Variants in NTN1 observed in about 807,000 individuals in gnomAD.
The protein encoded by NTN1 is netrin-1.
A neutral mutation model predicts 54.2 loss-of-function variants in NTN1; 11 were observed. The observed-to-expected ratio is 0.20, with a 90% CI of 0.13 to 0.34. The LOEUF is 0.34. Ranked by LOEUF, NTN1 falls within the 10% of genes least tolerant of loss-of-function variation. NTN1 has a pLI of 1.00. For synonymous variants in NTN1, 371 were observed against 382.0 expected (o/e 0.97, Z 0.33); for missense variants, 740 against 893.1 (o/e 0.83, Z 2.18).
At position 9,105,660 on chromosome 17, in the gene NTN1, T is replaced by TTCTC. The variant is rs72039051; in HGVS notation, c.1019-57135_1019-57132dup. ...TGAGATCTGTTCTGTCTCTCTCTCTTTCTCTCTCTCTCTCTCTCTCTGTCT... is the reference window on the plus strand; with the variant it reads ...TGAGATCTGTTCTGTCTCTCTCTCTTTCTCTCTCTCTCTCTCTCTCTCTCTGTCT... On this transcript the variant is annotated intron_variant, in intron 2 of 6. Coordinates refer to ENST00000173229, the MANE Select transcript of NTN1 (RefSeq NM_004822.3). Among the ~76,000 whole-genome samples, 415 of 142,096 alleles carry TTCTC rather than the reference T, an allele frequency of 2.9e-3. 1 individual carries two copies. The highest frequency in any genetic ancestry group is 9.1e-3 in the African/African-American group (366 of 40,142). 93.2% of individuals were successfully genotyped at this position (142,096 alleles called of 152,430 possible). A position where few individuals can be genotyped will look rare whatever the true frequency, so the allele number is the denominator to read the frequency against.
intron 2 of NTN1, among the ~76,000 whole-genome samples, chr17:9,115,723 C>A (rs1438947626): frequency 1.3e-5 from 2 of 152,358 alleles, no homozygotes; most frequent in South Asian, 2.1e-4. Flanking sequence ...GGGCCGCAGC[C>A]CCCAGAGACA....
chr17:9,154,437 A>G (rs955585073), intron 2 of NTN1, among the ~76,000 whole-genome samples: 1 of 152,210 alleles, frequency 6.6e-6, no homozygotes, highest in African/African-American at 2.4e-5. Flanking sequence ...ATGTATATGT[A>G]TGATCGTTTC....
chr17:9,210,136 C>T (rs960366805), intron 5 of NTN1, among the ~76,000 whole-genome samples: 2 of 152,094 alleles, frequency 1.3e-5, no homozygotes, highest in African/African-American at 2.4e-5. Context: ...TCCTTCCGTC[C>T]GTGCAAGGAA....
chr17:9,192,501 T>C (rs1455313613), intron 5 of NTN1, among the ~76,000 whole-genome samples: 2 of 152,160 alleles, frequency 1.3e-5, no homozygotes, highest in Admixed American at 6.5e-5. Context: ...GGGGCTATTG[T>C]ATGTCTGGAG....
rs2302197 is a variant in NTN1 at position 9,182,976 on chromosome 17, G to T, written c.1411+7G>T. 9.9e-6 allele frequency: 16 copies of T among 1,613,258 alleles called. No homozygotes were observed. Among genetic ancestry groups the T allele is most frequent in the East Asian group, 2.2e-5 (1 of 44,856 alleles). On this transcript the variant is annotated splice_region_variant and intron_variant, in intron 5 of 6. Transcript: ENST00000173229. ...AGCGTGGAGGAGCCTGAAGGTAAACGGCCCCCTTCGCTTCTCATTTCCCGC... is the reference window on the plus strand; with the variant it reads ...AGCGTGGAGGAGCCTGAAGGTAAACTGCCCCCTTCGCTTCTCATTTCCCGC...
At position 9,162,795 on chromosome 17, in the gene NTN1, C is replaced by T. The variant is rs1020833498; in HGVS notation, c.1019-18C>T. 6.3e-7 allele frequency: 1 copy of T among 1,593,866 alleles called. No homozygotes were observed. Among genetic ancestry groups the T allele is most frequent in the Non-Finnish European group, 8.6e-7 (1 of 1,164,478 alleles). ...CCGCGCCCCTGCGGCTGACACCTCT[C>T]TCTGTCTCCCCCTGCAGCCTGTAAC... is the stretch of plus-strand genomic sequence containing the variant. On this transcript the variant is annotated intron_variant, in intron 2 of 6. Coordinates refer to ENST00000173229, the MANE Select transcript of NTN1 (RefSeq NM_004822.3).
intron 3 of NTN1, among the ~76,000 whole-genome samples, chr17:9,166,985 T>C (rs1487435406): frequency 1.3e-5 from 2 of 152,156 alleles, no homozygotes; most frequent in African/African-American, 4.8e-5. Context: ...TTGGGAAGTT[T>C]CGTAGCAACA....
intron 2 of NTN1, among the ~76,000 whole-genome samples, chr17:9,072,800 A>G (rs1421406947): frequency 6.6e-6 from 1 of 152,262 alleles, no homozygotes; most frequent in East Asian, 1.9e-4. Flanking sequence ...CCTTGTTTCC[A>G]GAAACCTTGG....
rs1904967887 is a variant in NTN1, at chr17:9,206,341, G to A, written c.1412-14827G>A. Reference sequence around the variant, plus strand: ...GTTCAGCAAAAAGAAAGAGCCTGCTGGGGACTCATTTGCACCCTCTTGTTC... The same window carrying A: ...GTTCAGCAAAAAGAAAGAGCCTGCTAGGGACTCATTTGCACCCTCTTGTTC... On this transcript the variant is annotated intron_variant, in intron 5 of 6. Coordinates refer to ENST00000173229, the MANE Select transcript of NTN1 (RefSeq NM_004822.3). Among the ~76,000 whole-genome samples, 4 of 152,320 alleles carry A rather than the reference G, an allele frequency of 2.6e-5. No individual in the cohort carries two copies. The South Asian group carries it at 8.3e-4, about 32-fold the overall frequency.
rs1906283462 is a variant in NTN1, at chr17:9,243,258, TGGGGTCACAACCCAGGGAGGG to T, written c.*3291_*3311del. ...CCTCTATGTGGGAGGGAGGGACACCTGGGGTCACAACCCAGGGAGGGAGGGTCACAGCCCAGGGAGGCTGGG... is the reference window on the plus strand; with the variant it reads ...CCTCTATGTGGGAGGGAGGGACACCTAGGGTCACAGCCCAGGGAGGCTGGG... On this transcript the variant is annotated 3_prime_UTR_variant, in exon 7 of 7. Coordinates refer to ENST00000173229, the MANE Select transcript of NTN1 (RefSeq NM_004822.3). 6.6e-6 allele frequency: 1 copy of T among 151,858 alleles called. No homozygotes were observed. 9.4% of individuals were successfully genotyped at this position (151,858 alleles called of 1,614,324 possible). A position where few individuals can be genotyped will look rare whatever the true frequency, so the allele number is the denominator to read the frequency against.
At chr17:9,185,030 A>G (rs1474818797) in intron 5 of NTN1, among the ~76,000 whole-genome samples, 1 of 152,268 alleles carries the variant, frequency 6.6e-6, no homozygotes, top group African/African-American at 2.4e-5. Flanking sequence ...CGAAGCGAGC[A>G]GTAAATAAAC....
intron 2 of NTN1, among the ~76,000 whole-genome samples, chr17:9,049,982 C>A (rs930225553): frequency 1.3e-5 from 2 of 152,212 alleles, no homozygotes; most frequent in Non-Finnish European, 2.9e-5. Flanking sequence ...CGCAGTGGCT[C>A]ACGCCTGTAA....
At chr17:9,010,473 G>A in the NTN1 span, among the ~76,000 whole-genome samples, 2 of 152,176 alleles carry the variant, frequency 1.3e-5, no homozygotes, top group Non-Finnish European at 2.9e-5. Flanking sequence ...GTCACTTCCC[G>A]TAAGAAGAAA....
chr17:9,072,849 G>A (rs1385878094), intron 2 of NTN1, among the ~76,000 whole-genome samples: 4 of 152,214 alleles, frequency 2.6e-5, no homozygotes, highest in Admixed American at 6.5e-5. Flanking sequence ...TCTCCTAGTC[G>A]GGGAACCAGC....
At chr17:9,108,682 C>T (rs1331612443) in intron 2 of NTN1, among the ~76,000 whole-genome samples, 1 of 152,130 alleles carries the variant, frequency 6.6e-6, no homozygotes, top group Non-Finnish European at 1.5e-5. Context: ...CCAAATCCTG[C>T]CCACTCATCC....
intron 6 of NTN1, among the ~76,000 whole-genome samples, chr17:9,233,135 G>A (rs1364448340): frequency 6.6e-6 from 1 of 152,002 alleles, no homozygotes; most frequent in East Asian, 1.9e-4. Flanking sequence ...GGAGCCACTG[G>A]GGGCCCACCT....
intron 2 of NTN1, among the ~76,000 whole-genome samples, chr17:9,041,964 G>A (rs1011634814): frequency 2.6e-5 from 4 of 151,574 alleles, no homozygotes; most frequent in African/African-American, 7.3e-5. Flanking sequence ...AGCTGAGATT[G>A]GGCCATTGCA....
chr17:9,122,106 C>A (rs533192632), intron 2 of NTN1, among the ~76,000 whole-genome samples: 8 of 151,126 alleles, frequency 5.3e-5, no homozygotes, highest in African/African-American at 1.9e-4. Context: ...GGCGCAATCT[C>A]GGCTCACTGC....
intron 2 of NTN1, among the ~76,000 whole-genome samples, chr17:9,121,053 G>C (rs1340311713): frequency 1.3e-5 from 2 of 152,150 alleles, no homozygotes; most frequent in African/African-American, 4.8e-5. Flanking sequence ...CCAGGATGGA[G>C]GGCTTCCCCT....
Sources: allele counts gnomAD v4.1 joint callset (sites outside exome capture counted in the v4.1 genomes callset), GRCh38; gene constraint gnomAD v4.1.1; transcripts MANE v1.5; gene names NCBI Gene and HGNC (gene_info 2026-07-23, HGNC 2026-07-21).